ANO1: variants seen among roughly 807,000 people sequenced by gnomAD.
ANO1 encodes anoctamin-1.
ANO1 carries 59 observed loss-of-function variants against 124.0 expected under a neutral mutation model. The observed-to-expected ratio is 0.48, with a 90% CI of 0.39 to 0.59. The LOEUF (loss-of-function observed/expected upper bound fraction) is 0.59. Ranked by LOEUF, ANO1 falls within the 20% of genes least tolerant of loss-of-function variation. ANO1 has a pLI of 0.00. For missense variants in ANO1, 1,059 were observed against 1,328.0 expected, an observed-to-expected ratio of 0.80 and a Z score of 3.15; for synonymous variants, 529 against 532.0, an observed-to-expected ratio of 0.99 and a Z score of 0.08.
At chr11:69,989,004 G>A (rs1856102412) in intron 1 of ANO1, among the ~76,000 whole-genome samples, 1 of 151,922 alleles carries the variant, frequency 6.6e-6, no homozygotes, top group Admixed American at 6.6e-5. Context: ...AGGTAGGGAG[G>A]GACGGAGGGA....
chr11:70,161,524 C>A, intron 17 of ANO1, 98 bp from the exon 18 acceptor site: 1 of 1,433,246 alleles, frequency 7.0e-7, no homozygotes, highest in South Asian at 1.2e-5. Flanking sequence ...CTATGAGAGC[C>A]GACTGAGTGA....
intron 8 of ANO1, among the ~76,000 whole-genome samples, chr11:70,121,253 C>T (rs1417147340): frequency 6.6e-6 from 1 of 151,870 alleles, no homozygotes; most frequent in Non-Finnish European, 1.5e-5. Context: ...GCCTCTGTCT[C>T]TGCCTCTCTC....
intron 13 of ANO1, 118 bp downstream of exon 13, chr11:70,152,579 G>A: frequency 1.6e-6 from 2 of 1,230,240 alleles, no homozygotes; most frequent in Admixed American, 3.9e-5. Context: ...CCACGCGGGT[G>A]GGGTCTCTGC....
chr11:70,133,623 C>G (rs1260440840), intron 11 of ANO1, among the ~76,000 whole-genome samples: 3 of 152,214 alleles, frequency 2.0e-5, no homozygotes, highest in Admixed American at 6.5e-5. Flanking sequence ...CTACACAGCT[C>G]GGCAGCCTCC....
At chr11:70,138,534 T>C (rs2047033824) in intron 11 of ANO1, among the ~76,000 whole-genome samples, 2 of 150,184 alleles carry the variant, frequency 1.3e-5, no homozygotes, top group Middle Eastern at 6.8e-3. Flanking sequence ...AAGAAAAGAA[T>C]CACAGCTGAA....
chr11:70,107,490 C>CGGGGGGGGGGGGGGGGGGGGG (rs1432604573), intron 5 of ANO1, among the ~76,000 whole-genome samples: 1 of 64,470 alleles, frequency 1.6e-5, no homozygotes, highest in Non-Finnish European at 3.4e-5. Flanking sequence ...CCAGTGGAGG[C>CGGGGGGGGGGGGGGGGGGGGG]GGCGGGGCGG....
chr11:70,065,099 G>A (rs1305205033), intron 1 of ANO1: 2 of 152,252 alleles, frequency 1.3e-5, no homozygotes, highest in Non-Finnish European at 2.9e-5. Flanking sequence ...GGCAAGGCAA[G>A]AATGCAGGGA....
In ANO1 at chr11:70,088,012, C is replaced by G. The variant is rs2044458819; in HGVS notation, c.369C>G (p.Asp123Glu). 6.5e-7 allele frequency: 1 copy of G among 1,540,184 alleles called. No individual in the cohort carries two copies. Among genetic ancestry groups the G allele is most frequent in the Non-Finnish European group, 8.8e-7 (1 of 1,142,694 alleles). ...GEPPMDYHED[D>E]KRFRREEYEG... ...CCCCGATGGACTACCACGAGGATGA[C>G]AAGCGCTTCCGCAGGGAGGAGTACG... The change falls in exon 2 of 26, where the codon GAC (aspartate) becomes GAG (glutamate). Residue 123 changes from aspartate to glutamate, a missense_variant. Physicochemically the swap from Asp to Glu is conservative, Grantham distance 45. This residue lies in a region of ANO1 where 250 missense variants were observed against 233.1 expected (regional missense o/e 1.07). Transcript: ENST00000355303.
intron 21 of ANO1, 64 bp from the exon 22 acceptor site, chr11:70,170,823 G>A: frequency 1.9e-6 from 3 of 1,546,614 alleles, no homozygotes; most frequent in Non-Finnish European, 2.6e-6. Context: ...ACACGGGGTG[G>A]TGGAGTCCCC....
chr11:70,029,133 T>C (rs2135023973), intron 1 of ANO1, among the ~76,000 whole-genome samples: 1 of 152,328 alleles, frequency 6.6e-6, no homozygotes, highest in African/African-American at 2.4e-5. Flanking sequence ...TGGCAGCCCC[T>C]GTGGGTGCTC....
At chr11:70,150,071 A>G (rs920558258) in intron 12 of ANO1, among the ~76,000 whole-genome samples, 3 of 152,214 alleles carry the variant, frequency 2.0e-5, no homozygotes, top group Non-Finnish European at 1.5e-5. Context: ...TCTCAGGCAC[A>G]TGCCAGGGCT....
chr11:70,084,644 G>A (rs2044305150), intron 1 of ANO1, among the ~76,000 whole-genome samples: 1 of 152,198 alleles, frequency 6.6e-6, no homozygotes, highest in Non-Finnish European at 1.5e-5. Flanking sequence ...CATGAAGCCA[G>A]TGCCCTGTCC....
At chr11:70,146,430 G>A (rs369113975) in intron 11 of ANO1, among the ~76,000 whole-genome samples, 3 of 152,310 alleles carry the variant, frequency 2.0e-5, no homozygotes, top group East Asian at 1.9e-4. Context: ...CAGAGAGGGC[G>A]AGCCGGAGCG....
At chr11:69,967,616 T>C in the ANO1 span, among the ~76,000 whole-genome samples, 31 of 152,230 alleles carry the variant, frequency 2.0e-4, no homozygotes, top group South Asian at 6.2e-3. Flanking sequence ...AATGAAAACA[T>C]GTCAAGGGCT....
chr11:70,037,758 C>G (rs1156284457), intron 1 of ANO1, among the ~76,000 whole-genome samples: 1 of 152,126 alleles, frequency 6.6e-6, no homozygotes, highest in Non-Finnish European at 1.5e-5. Flanking sequence ...TGAGTACTCA[C>G]TAGGCGCTGG....
chr11:69,974,233 C>T, the ANO1 span, among the ~76,000 whole-genome samples: 15 of 151,594 alleles, frequency 9.9e-5, 1 homozygote, highest in Admixed American at 2.6e-4. Context: ...GTGGGAGAAA[C>T]GCTTGAACCT....
At chr11:70,036,943 G>A (rs534325904) in intron 1 of ANO1, among the ~76,000 whole-genome samples, 25 of 152,180 alleles carry the variant, frequency 1.6e-4, no homozygotes, top group Admixed American at 2.6e-4. Context: ...TTTCTCTCCC[G>A]AGGCTGGGGC....
At chr11:70,140,066 T>C (rs113201000) in intron 11 of ANO1, among the ~76,000 whole-genome samples, 2 of 152,340 alleles carry the variant, frequency 1.3e-5, no homozygotes, top group African/African-American at 4.8e-5. Context: ...ACACCGGCTC[T>C]CTCTGTAACC....
chr11:69,975,129 T>C, the ANO1 span, among the ~76,000 whole-genome samples: 2 of 152,150 alleles, frequency 1.3e-5, no homozygotes, highest in Admixed American at 1.3e-4. Flanking sequence ...AATCCTAACC[T>C]GCTCTCTCCG....
Sources: allele counts gnomAD v4.1 joint callset (sites outside exome capture counted in the v4.1 genomes callset), GRCh38; gene constraint gnomAD v4.1.1; regional missense constraint gnomAD v4.1.1; transcripts MANE v1.5; gene names NCBI Gene and HGNC (gene_info 2026-07-23, HGNC 2026-07-21).